The following MAP7 variants were observed in gnomAD, a reference collection of about 807,000 sequenced individuals.
The protein encoded by MAP7 is ensconsin.
Under a neutral mutation model 94.8 loss-of-function variants are expected in MAP7, and 52 were observed. The ratio of observed to expected loss-of-function variants is 0.55; its 90% confidence interval spans 0.44 to 0.69. The LOEUF (loss-of-function observed/expected upper bound fraction) is 0.69, where lower values mean the gene tolerates loss of function less well. Among genes scored for constraint, MAP7 ranks in the 30% least tolerant of loss-of-function variants. The pLI is 0.00. For missense variants in MAP7, 940 were observed against 964.6 expected (o/e 0.97, Z 0.34); for synonymous variants, 350 against 357.0 (o/e 0.98, Z 0.22).
chr6:136,493,982 A>G (rs1432153348), intron 1 of MAP7, among the ~76,000 whole-genome samples: 1 of 152,232 alleles, frequency 6.6e-6, no homozygotes, highest in Non-Finnish European at 1.5e-5. Context: ...GGTTATAAGT[A>G]ATTACAACCT....
chr6:136,347,157 G>C (rs1251305702), intron 16 of MAP7, among the ~76,000 whole-genome samples: 1 of 152,172 alleles, frequency 6.6e-6, no homozygotes, highest in Non-Finnish European at 1.5e-5. Context: ...TAATGCCTAT[G>C]CATCAAATGA....
intron 1 of MAP7, among the ~76,000 whole-genome samples, chr6:136,482,971 C>T (rs1171833071): frequency 6.6e-6 from 1 of 151,910 alleles, no homozygotes; most frequent in Non-Finnish European, 1.5e-5. Flanking sequence ...CAGGTTTTTT[C>T]ATTCTGTACA....
At chr6:136,545,165 T>A (rs1295314035) in intron 1 of MAP7, 1 of 152,240 alleles carries the variant, frequency 6.6e-6, no homozygotes, top group Non-Finnish European at 1.5e-5. Context: ...TCTTCTTCAG[T>A]CCATCCTCAA....
chr6:136,365,766 C>T lies in MAP7; in HGVS notation c.1242G>A (p.Glu414=). Reference sequence around the variant, plus strand: ...CAACTTCTGGTTCAGCAGGTGTCCGCTCTTCAACTGTGGCTTCTTCTACCT... The same window carrying T: ...CAACTTCTGGTTCAGCAGGTGTCCGTTCTTCAACTGTGGCTTCTTCTACCT... The part of the protein sequence containing the change: ...LVKVEEATVE[E]RTPAEPEVGP... The change falls in exon 10 of 18, where the codon GAG becomes GAA. Residue 414 remains glutamate, a synonymous_variant. Transcript: ENST00000354570. 1 of 1,614,104 alleles carries T rather than the reference C, an allele frequency of 6.2e-7. No individual in the cohort carries two copies. The highest frequency in any genetic ancestry group is 8.5e-7 in the Non-Finnish European group (1 of 1,180,032).
At chr6:136,393,978 AT>A (rs1554242698) in intron 3 of MAP7, among the ~76,000 whole-genome samples, 7,325 of 35,968 alleles carry the variant, frequency 0.2, 735 homozygotes, top group East Asian at 0.4. Context: ...CAGCAAAGGT[AT>A]TTTTTTTTTT....
intron 1 of MAP7, among the ~76,000 whole-genome samples, chr6:136,474,296 A>G (rs1309917982): frequency 6.6e-6 from 1 of 152,230 alleles, no homozygotes; most frequent in African/African-American, 2.4e-5. Context: ...AATCTGTCCT[A>G]TTAGTCTAAA....
intron 1 of MAP7, among the ~76,000 whole-genome samples, chr6:136,518,908 T>C (rs1456876218): frequency 6.6e-6 from 1 of 152,234 alleles, no homozygotes; most frequent in Non-Finnish European, 1.5e-5. Flanking sequence ...CCATCAATTA[T>C]AGCTCTGGAA....
chr6:136,514,747 C>T (rs1168087639), intron 1 of MAP7, among the ~76,000 whole-genome samples: 1 of 152,150 alleles, frequency 6.6e-6, no homozygotes, highest in Non-Finnish European at 1.5e-5. Context: ...GTACACCATG[C>T]TATAAACAGA....
At chr6:136,372,776 C>G (rs1293848293) in intron 7 of MAP7, 151 bp from the exon 8 acceptor site, 2 of 850,050 alleles carry the variant, frequency 2.4e-6, no homozygotes, top group African/African-American at 3.4e-5. Context: ...ATGTTATTAC[C>G]TAAAGGTGCC....
chr6:136,511,932 T>A (rs1172957538), intron 1 of MAP7, among the ~76,000 whole-genome samples: 1 of 152,218 alleles, frequency 6.6e-6, no homozygotes, highest in Non-Finnish European at 1.5e-5. Context: ...AAGGTGCTTC[T>A]GGAATGGTCT....
At chr6:136,350,524 T>C (rs1009538126) in intron 16 of MAP7, among the ~76,000 whole-genome samples, 1 of 152,192 alleles carries the variant, frequency 6.6e-6, no homozygotes, top group African/African-American at 2.4e-5. Flanking sequence ...TATTCATGAA[T>C]GGGAAGCTGT....
At chr6:136,350,188 T>C (rs1326141302) in intron 16 of MAP7, among the ~76,000 whole-genome samples, 4 of 152,168 alleles carry the variant, frequency 2.6e-5, no homozygotes, top group African/African-American at 9.7e-5. Flanking sequence ...AGGCACACCA[T>C]GTTCTTTGGC....
intron 1 of MAP7, among the ~76,000 whole-genome samples, chr6:136,429,937 T>G (rs1257870232): frequency 6.6e-6 from 1 of 152,220 alleles, no homozygotes; most frequent in Non-Finnish European, 1.5e-5. Context: ...AGCTAGCTAC[T>G]CTACAAGCAT....
chr6:136,548,732 G>A (rs1441827958), intron 1 of MAP7, among the ~76,000 whole-genome samples: 1 of 152,212 alleles, frequency 6.6e-6, no homozygotes, highest in Admixed American at 6.5e-5. Context: ...AGTTGTTCAC[G>A]TGCAGATTCT....
intron 1 of MAP7, among the ~76,000 whole-genome samples, chr6:136,454,395 C>T (rs991843561): frequency 1.3e-5 from 2 of 151,914 alleles, no homozygotes; most frequent in East Asian, 2.0e-4. Context: ...TAGCCTTGAC[C>T]GCCTGGGCTC....
At chr6:136,503,026 C>T (rs965637943) in intron 1 of MAP7, among the ~76,000 whole-genome samples, 5 of 152,128 alleles carry the variant, frequency 3.3e-5, no homozygotes, top group Admixed American at 2.6e-4. Context: ...AACTCCCTAC[C>T]TTTTAATTAT....
chr6:136,546,783 T>C (rs2129062576), intron 1 of MAP7, among the ~76,000 whole-genome samples: 1 of 152,124 alleles, frequency 6.6e-6, no homozygotes, highest in South Asian at 2.1e-4. Flanking sequence ...GAGGCCCGAG[T>C]TTTTAAAAAT....
intron 1 of MAP7, among the ~76,000 whole-genome samples, chr6:136,481,425 C>T (rs891111319): frequency 5.9e-5 from 9 of 151,908 alleles, no homozygotes; most frequent in Non-Finnish European, 8.8e-5. Flanking sequence ...CAATGGAGAA[C>T]GACTCAGCCA....
intron 3 of MAP7, among the ~76,000 whole-genome samples, chr6:136,408,996 T>C (rs1162176567): frequency 6.6e-6 from 1 of 152,008 alleles, no homozygotes; most frequent in Non-Finnish European, 1.5e-5. Context: ...CTCCTGTATT[T>C]ATGAAGATTG....
Sources: gnomAD v4.1 joint callset for allele counts (sites outside exome capture counted in the v4.1 genomes callset) on GRCh38, gnomAD v4.1.1 for gene constraint, MANE v1.5 for transcripts, NCBI Gene and HGNC (gene_info 2026-07-23, HGNC 2026-07-21) for gene names.